ATP9B: variants seen among roughly 807,000 people sequenced by gnomAD.
ATP9B encodes probable phospholipid-transporting ATPase IIB.
ATP9B carries 110 observed loss-of-function variants against 146.1 expected under a neutral mutation model. The observed-to-expected ratio is 0.75, with a 90% CI of 0.65 to 0.88. The LOEUF is 0.88. Ranked by LOEUF, ATP9B falls within the 40% of genes least tolerant of loss-of-function variation. ATP9B has a pLI of 0.00. For missense variants in ATP9B, 1,499 were observed against 1,496.4 expected, an observed-to-expected ratio of 1.00 and a Z score of -0.03; for synonymous variants, 604 against 569.7, an observed-to-expected ratio of 1.06 and a Z score of -0.86.
intron 11 of ATP9B, among the ~76,000 whole-genome samples, chr18:79,247,434 G>C (rs1442247235): frequency 6.6e-6 from 1 of 152,186 alleles, no homozygotes; most frequent in Non-Finnish European, 1.5e-5. Flanking sequence ...TTTCTCAAGC[G>C]ATCTAGGAGT....
chr18:79,318,460 C>T (rs1391360126), intron 15 of ATP9B, among the ~76,000 whole-genome samples: 1 of 152,198 alleles, frequency 6.6e-6, no homozygotes, highest in Non-Finnish European at 1.5e-5. Flanking sequence ...AAATACCCGA[C>T]CAGTACTTCT....
At chr18:79,142,862 A>G (rs1223877928) in intron 5 of ATP9B, among the ~76,000 whole-genome samples, 3 of 152,376 alleles carry the variant, frequency 2.0e-5, no homozygotes, top group African/African-American at 7.2e-5. Flanking sequence ...CGATCTTTTA[A>G]TAAGTTGGAT....
intron 17 of ATP9B, among the ~76,000 whole-genome samples, chr18:79,334,776 G>T (rs1232326055): frequency 6.7e-6 from 1 of 149,436 alleles, no homozygotes; most frequent in African/African-American, 2.5e-5. Context: ...CATCTGCCCA[G>T]ACGCCCACCC....
At chr18:79,223,930 A>G (rs545960412) in intron 11 of ATP9B, among the ~76,000 whole-genome samples, 12 of 152,340 alleles carry the variant, frequency 7.9e-5, no homozygotes, top group East Asian at 3.9e-4. Flanking sequence ...CCTTTTAAAT[A>G]TGAATTTAAT....
chr18:79,194,710 G>A (rs768847842), intron 9 of ATP9B: 1 of 152,202 alleles, frequency 6.6e-6, no homozygotes, highest in African/African-American at 2.4e-5. Context: ...TATGAGAGTA[G>A]AGAGTTTAAT....
chr18:79,246,949 T>C (rs993476770), intron 11 of ATP9B, among the ~76,000 whole-genome samples: 17 of 152,244 alleles, frequency 1.1e-4, no homozygotes, highest in African/African-American at 3.6e-4. Context: ...CTTATCTTAA[T>C]ATTCAGTGCT....
intron 15 of ATP9B, among the ~76,000 whole-genome samples, chr18:79,316,240 C>T (rs1447809634): frequency 1.3e-5 from 2 of 152,084 alleles, no homozygotes; most frequent in Non-Finnish European, 2.9e-5. Flanking sequence ...GACAAATGGC[C>T]GGTCGTGCAG....
At chr18:79,181,482 A>G (rs952264618) in intron 8 of ATP9B, among the ~76,000 whole-genome samples, 3 of 152,174 alleles carry the variant, frequency 2.0e-5, no homozygotes, top group Non-Finnish European at 4.4e-5. Context: ...TACTAATATC[A>G]AGTAAATTAG....
chr18:79,309,750 G>T (rs1349237646), intron 15 of ATP9B, among the ~76,000 whole-genome samples: 1 of 152,130 alleles, frequency 6.6e-6, no homozygotes, highest in Non-Finnish European at 1.5e-5. Context: ...ATAGATTATC[G>T]TGTTGGTTAC....
intron 7 of ATP9B, among the ~76,000 whole-genome samples, chr18:79,176,138 G>C (rs1292792207): frequency 6.6e-6 from 1 of 152,034 alleles, no homozygotes; most frequent in African/African-American, 2.4e-5. Context: ...TCCTCTGTTT[G>C]TTCCCCTTTG....
At chr18:79,127,898 ACTG>A (rs2147210708) in intron 5 of ATP9B, among the ~76,000 whole-genome samples, 1 of 152,018 alleles carries the variant, frequency 6.6e-6, no homozygotes, top group South Asian at 2.1e-4. Context: ...GATTGCAGCC[ACTG>A]CTTTTTGATT....
Position 79,126,898 on chromosome 18 carries a change from AGCGCT to A in ATP9B, c.667+524_667+528del, listed in dbSNP as rs547706045. Among the ~76,000 whole-genome samples, 508 of 152,278 alleles carry A rather than the reference AGCGCT, an allele frequency of 3.3e-3. 3 individuals carry two copies. The highest frequency in any genetic ancestry group is 0.012 in the African/African-American group (484 of 41,546). The stretch of plus-strand genomic sequence containing the variant: ...ACTCTTGCTTAACTTACATCCTTCA[AGCGCT>A]TGTTTATTTGATTTTTCAGTCCATA... On this transcript the variant is annotated intron_variant, in intron 5 of 29. Transcript: ENST00000426216.
intron 7 of ATP9B, among the ~76,000 whole-genome samples, chr18:79,155,914 C>T (rs995836614): frequency 6.6e-6 from 1 of 151,946 alleles, no homozygotes; most frequent in Non-Finnish European, 1.5e-5. Context: ...AGGCGCCCAC[C>T]ACCATGCCCG....
At chr18:79,291,671 T>A (rs1449816674) in intron 13 of ATP9B, among the ~76,000 whole-genome samples, 6 of 152,200 alleles carry the variant, frequency 3.9e-5, no homozygotes, top group Admixed American at 3.9e-4. Flanking sequence ...ACCCAAAAAC[T>A]TTATCATTCG....
intron 8 of ATP9B, among the ~76,000 whole-genome samples, chr18:79,177,191 C>T (rs550765799): frequency 1.3e-5 from 2 of 152,202 alleles, no homozygotes; most frequent in Admixed American, 1.3e-4. Context: ...GCCCCCTTCC[C>T]CCTCTTCCGC....
At chr18:79,251,678 A>G (rs1339387440) in intron 11 of ATP9B, among the ~76,000 whole-genome samples, 1 of 152,276 alleles carries the variant, frequency 6.6e-6, no homozygotes. Flanking sequence ...GAAAATATTA[A>G]TCAAAACCAG....
At chr18:79,244,638 G>A (rs2095924817) in intron 11 of ATP9B, among the ~76,000 whole-genome samples, 1 of 152,094 alleles carries the variant, frequency 6.6e-6, no homozygotes, top group African/African-American at 2.4e-5. Flanking sequence ...AAATTATACT[G>A]TAATGAATAT....
intron 12 of ATP9B, among the ~76,000 whole-genome samples, chr18:79,265,615 C>CA (rs1192065840): frequency 2.0e-5 from 3 of 151,506 alleles, no homozygotes; most frequent in East Asian, 1.9e-4. Flanking sequence ...CTGTAGTTTG[C>CA]AAAAAAATTT....
At chr18:79,367,056 A>G (rs2097034622) in intron 26 of ATP9B, among the ~76,000 whole-genome samples, 1 of 150,514 alleles carries the variant, frequency 6.6e-6, no homozygotes, top group Non-Finnish European at 1.5e-5. Flanking sequence ...ACCAGAGAGC[A>G]CACATATCTT....
Sources: allele counts gnomAD v4.1 joint callset (sites outside exome capture counted in the v4.1 genomes callset), GRCh38; gene constraint gnomAD v4.1.1; transcripts MANE v1.5; gene names NCBI Gene and HGNC (gene_info 2026-07-23, HGNC 2026-07-21).